The following ROBO2 variants were observed in gnomAD, a reference collection of about 807,000 sequenced individuals.
The protein encoded by ROBO2 is roundabout guidance receptor 2.
Under a neutral mutation model 160.8 loss-of-function variants are expected in ROBO2, and 53 were observed. The observed-to-expected ratio is 0.33, with a 90% CI of 0.26 to 0.41. ROBO2 has a LOEUF of 0.41. Among genes scored for constraint, ROBO2 ranks in the 10% least tolerant of loss-of-function variants. ROBO2 has a pLI of 1.00. For synonymous variants in ROBO2, 664 were observed against 611.7 expected, an observed-to-expected ratio of 1.09 and a Z score of -1.26; for missense variants, 1,577 against 1,722.4, an observed-to-expected ratio of 0.92 and a Z score of 1.49.
chr3:77,181,372 C>T (rs1272888371), intron 2 of ROBO2, among the ~76,000 whole-genome samples: 1 of 152,032 alleles, frequency 6.6e-6, no homozygotes, highest in Admixed American at 6.6e-5. Context: ...TTCCCTATTT[C>T]CATATATATT....
chr3:76,888,324 C>T (rs1178109178), intron 2 of ROBO2, among the ~76,000 whole-genome samples: 1 of 152,130 alleles, frequency 6.6e-6, no homozygotes, highest in Non-Finnish European at 1.5e-5. Context: ...GCCGAAATCA[C>T]GGCCCTGCAC....
rs959996630 is a variant in ROBO2, at chr3:76,319,749, CT to C, written c.109+382157del. Among the ~76,000 whole-genome samples, 217 of 142,546 alleles carry C rather than the reference CT, an allele frequency of 1.5e-3. 1 individual carries two copies. The highest frequency in any genetic ancestry group is 2.7e-3 in the African/African-American group (104 of 39,010). The allele number at this position is 142,546 out of a possible 152,430, so 93.5% of individuals were successfully genotyped here. ...TATTTATATTTTTTTCCCATTTGTG[CT>C]TTTTTTTTTAATGAGAGAATGGCTT... On this transcript the variant is annotated intron_variant, in intron 2 of 26. Coordinates refer to the ROBO2 transcript ENST00000487694.
exon 16 of ROBO2, chr3:77,580,069 T>C (rs2093874613): frequency 1.9e-6 from 3 of 1,613,884 alleles, no homozygotes; most frequent in South Asian, 1.1e-5. Flanking sequence ...TTGCAGCTAG[T>C]ACCAGTGCAG....
chr3:76,058,937 A>G lies in ROBO2; in HGVS notation c.109+121335A>G, dbSNP rs559524584. ...TCTTTGCGATAGTTTGCTGAGAATG[A>G]TGGTTTCCAGCTTCACCCATGTCCC... On this transcript the variant is annotated intron_variant, in intron 2 of 26. Transcript: ENST00000487694. 1.7e-3 allele frequency among the ~76,000 whole-genome samples: 264 copies of G among 151,162 alleles called. 1 individual carries two copies. The highest frequency in any genetic ancestry group is 5.7e-3 in the Admixed American group (86 of 15,158).
intron 2 of ROBO2, among the ~76,000 whole-genome samples, chr3:76,069,195 G>A (rs937804390): frequency 6.6e-6 from 1 of 152,100 alleles, no homozygotes; most frequent in African/African-American, 2.4e-5. Flanking sequence ...AATCTAATAA[G>A]TAACTCAAGG....
rs183817216 is a variant in ROBO2, at chr3:76,069,420, C to T, written c.109+131818C>T. Among the ~76,000 whole-genome samples the T allele has an allele frequency of 2.6e-3, 396 of 152,218 alleles. 1 individual carries two copies. Among genetic ancestry groups the T allele is most frequent in the Non-Finnish European group, 4.1e-3 (278 of 68,012 alleles). On this transcript the variant is annotated intron_variant, in intron 2 of 26. Coordinates refer to the ROBO2 transcript ENST00000487694. ...TGAATACCAGTTGAAGTAATTTACA[C>T]TGACACTACACTGGTATAATCCACC...
chr3:76,035,887 C>G (rs1038678211), intron 2 of ROBO2, among the ~76,000 whole-genome samples: 2 of 152,018 alleles, frequency 1.3e-5, no homozygotes, highest in Non-Finnish European at 2.9e-5. Flanking sequence ...CCTTCACCCT[C>G]TAAAACAGAC....
chr3:76,215,368 A>G (rs1401267810), intron 2 of ROBO2, among the ~76,000 whole-genome samples: 4 of 152,166 alleles, frequency 2.6e-5, no homozygotes, highest in Non-Finnish European at 5.9e-5. Context: ...ACTCCGATCT[A>G]AAGGAGGAAG....
In ROBO2 at chr3:76,408,030, C is replaced by A. The variant is rs548280512; in HGVS notation, c.109+470428C>A. Among the ~76,000 whole-genome samples the A allele has an allele frequency of 3.2e-4, 49 of 151,886 alleles. 1 individual carries two copies. The highest frequency in any genetic ancestry group is 1.1e-3 in the African/African-American group (47 of 41,454). On this transcript the variant is annotated intron_variant, in intron 2 of 26. Transcript: ENST00000487694. ...GACAATTTTTCTTCTTCCAGTGGGG[C>A]CCAGGGAAGCCAAAGATTGAACACC...
At chr3:77,276,157 C>T (rs189860820) in intron 2 of ROBO2, among the ~76,000 whole-genome samples, 44 of 151,590 alleles carry the variant, frequency 2.9e-4, no homozygotes, top group African/African-American at 1.0e-3. Flanking sequence ...TCATTGTATC[C>T]ATGCTTTCCT....
chr3:76,132,241 C>A (rs1298136527), intron 2 of ROBO2, among the ~76,000 whole-genome samples: 3 of 152,110 alleles, frequency 2.0e-5, no homozygotes, highest in African/African-American at 7.2e-5. Context: ...CTTCATTCTT[C>A]TAGGATCAAA....
intron 1 of ROBO2, among the ~76,000 whole-genome samples, chr3:77,071,194 G>A (rs1354579249): frequency 6.6e-6 from 1 of 152,060 alleles, no homozygotes; most frequent in African/African-American, 2.4e-5. Flanking sequence ...TTTACATAGA[G>A]CATTCTCTTT....
At chr3:76,170,697 A>G (rs2073007936) in intron 2 of ROBO2, among the ~76,000 whole-genome samples, 1 of 152,204 alleles carries the variant, frequency 6.6e-6, no homozygotes, top group African/African-American at 2.4e-5. Flanking sequence ...GGCCTATAGA[A>G]TTGCTGTAAA....
intron 2 of ROBO2, among the ~76,000 whole-genome samples, chr3:76,187,408 G>A (rs1169535216): frequency 6.6e-6 from 1 of 151,740 alleles, no homozygotes; most frequent in African/African-American, 2.4e-5. Flanking sequence ...CTGAGTAGCT[G>A]GGACAACAGG....
intron 6 of ROBO2, among the ~76,000 whole-genome samples, chr3:77,525,083 A>G (rs1286028075): frequency 6.6e-6 from 1 of 151,272 alleles, no homozygotes; most frequent in Non-Finnish European, 1.5e-5. Flanking sequence ...TTCTTTGCTA[A>G]TTTTTCTATG....
In ROBO2 at chr3:76,483,560, C is replaced by T. The variant is rs575276208; in HGVS notation, c.109+545958C>T. On this transcript the variant is annotated intron_variant, in intron 2 of 26. Transcript: ENST00000487694. ...ATATGCAGAATCCATATTATCTCTA[C>T]CAGAATGTTAAAGTCTACATCACAC... 5.7e-4 allele frequency among the ~76,000 whole-genome samples: 87 copies of T among 152,198 alleles called. 2 individuals are homozygous for T. In the South Asian group the frequency reaches 7.7e-3, roughly 13 times the overall value.
At chr3:76,671,278 G>GCCAT (rs1489679218) in intron 2 of ROBO2, among the ~76,000 whole-genome samples, 8 of 151,998 alleles carry the variant, frequency 5.3e-5, no homozygotes, top group African/African-American at 1.9e-4. Context: ...TCCCCCTCAC[G>GCCAT]CCATGCAGGA....
At chr3:77,426,336 GCC>G (rs2078202734) in intron 2 of ROBO2, among the ~76,000 whole-genome samples, 2 of 152,066 alleles carry the variant, frequency 1.3e-5, no homozygotes, top group Non-Finnish European at 2.9e-5. Flanking sequence ...CAGAGATGGG[GCC>G]CACTGTGGCG....
chr3:76,004,021 T>G (rs1308940383), intron 2 of ROBO2, among the ~76,000 whole-genome samples: 1 of 152,142 alleles, frequency 6.6e-6, no homozygotes, highest in Non-Finnish European at 1.5e-5. Flanking sequence ...AATATAAATC[T>G]ATCATATGAC....
Sources: gnomAD v4.1 joint callset for allele counts (sites outside exome capture counted in the v4.1 genomes callset) on GRCh38, gnomAD v4.1.1 for gene constraint, MANE v1.5 for transcripts, NCBI Gene and HGNC (gene_info 2026-07-23, HGNC 2026-07-21) for gene names.